GSTCD: variants seen among roughly 807,000 people sequenced by gnomAD.
GSTCD encodes the protein glutathione S-transferase C-terminal domain-containing protein.
A neutral mutation model predicts 68.3 loss-of-function variants in GSTCD; 44 were observed. The observed-to-expected ratio is 0.64, with a 90% confidence interval of 0.51 to 0.83. The LOEUF (loss-of-function observed/expected upper bound fraction) is 0.83, where lower values mean the gene tolerates loss of function less well. Among genes scored for constraint, GSTCD ranks in the 40% least tolerant of loss-of-function variants. The pLI is 0.00. For synonymous variants in GSTCD, 273 were observed against 255.2 expected (o/e 1.07, Z -0.67); for missense variants, 739 against 735.9 (o/e 1.00, Z -0.05).
chr4:105,790,937 C>T (rs769444051), intron 5 of GSTCD, among the ~76,000 whole-genome samples: 2 of 151,866 alleles, frequency 1.3e-5, no homozygotes, highest in Non-Finnish European at 2.9e-5. Flanking sequence ...GCATGGACAG[C>T]TAATATATAT....
chr4:105,840,969 A>G (rs1334611549), intron 10 of GSTCD, among the ~76,000 whole-genome samples: 2 of 152,120 alleles, frequency 1.3e-5, no homozygotes, highest in Non-Finnish European at 2.9e-5. Context: ...CCAGAAAACT[A>G]CAGAAGCCAC....
In GSTCD at chr4:105,727,092, T is replaced by TTG. The variant is rs767641689; in HGVS notation, c.1146+263_1146+264insGT. Among the ~76,000 whole-genome samples, 37 of 151,648 alleles carry TTG rather than the reference T, an allele frequency of 2.4e-4. 1 individual carries two copies. The East Asian group carries it at 4.8e-3, about 20-fold the overall frequency. ...TAAAAAGCCCTTTTCTCAAAACTTT[T>TTG]TTTTTTTTTTTTGTATATTCAGGAT... On this transcript the variant is annotated intron_variant, in intron 4 of 11. Transcript: ENST00000515279.
intron 5 of GSTCD, among the ~76,000 whole-genome samples, chr4:105,807,816 C>G (rs1722580820): frequency 6.6e-6 from 1 of 152,040 alleles, no homozygotes; most frequent in South Asian, 2.1e-4. Context: ...ACCGGTTTCC[C>G]TTTGTAATAA....
chr4:105,729,008 T>C (rs1408570934), intron 4 of GSTCD, among the ~76,000 whole-genome samples: 1 of 152,158 alleles, frequency 6.6e-6, no homozygotes, highest in Admixed American at 6.5e-5. Context: ...TTTTCATATA[T>C]GTAAAGGGAG....
At chr4:105,742,952 C>CTT (rs1206679533) in intron 5 of GSTCD, among the ~76,000 whole-genome samples, 4 of 139,700 alleles carry the variant, frequency 2.9e-5, no homozygotes, top group East Asian at 2.1e-4. Flanking sequence ...ATTTCTCTCT[C>CTT]TTTTTTTTTT....
intron 5 of GSTCD, among the ~76,000 whole-genome samples, chr4:105,772,347 CT>C (rs1734884351): frequency 6.6e-6 from 1 of 152,124 alleles, no homozygotes; most frequent in Admixed American, 6.5e-5. Flanking sequence ...TTGAATAACC[CT>C]TTATTTCTTT....
At chr4:105,710,524 C>T (rs971687083) in intron 1 of GSTCD, among the ~76,000 whole-genome samples, 1 of 151,768 alleles carries the variant, frequency 6.6e-6, no homozygotes, top group Non-Finnish European at 1.5e-5. Flanking sequence ...CCACCGCGCC[C>T]GGCCTGTTTT....
intron 1 of GSTCD, among the ~76,000 whole-genome samples, chr4:105,711,722 G>A (rs1396976641): frequency 6.6e-6 from 1 of 152,196 alleles, no homozygotes; most frequent in Non-Finnish European, 1.5e-5. Context: ...TAGCTACTAA[G>A]AATCAGAACC....
At chr4:105,771,255 G>A (rs565140028) in intron 5 of GSTCD, among the ~76,000 whole-genome samples, 5 of 151,898 alleles carry the variant, frequency 3.3e-5, no homozygotes, top group Non-Finnish European at 7.4e-5. Context: ...GTTTCTTGTA[G>A]ATTCTGGATA....
intron 5 of GSTCD, among the ~76,000 whole-genome samples, chr4:105,781,980 T>A (rs766484713): frequency 1.6e-4 from 24 of 152,122 alleles, no homozygotes; most frequent in Non-Finnish European, 3.2e-4. Context: ...AGGAATAGTT[T>A]TTCTGTGAGA....
rs765893846 is a variant in GSTCD, at chr4:105,729,448, A to G, written c.1189A>G (p.Thr397Ala). Residue 397 changes from threonine (T) to alanine (A), a missense_variant, in exon 5 of 12, where the codon ACT becomes GCT. Thr to Ala is a moderately conservative substitution (Grantham distance 58, BLOSUM62 0). Transcript: ENST00000515279. ...EVMFSPHPCP[T>A]WTLDWNVLPA... Reference sequence around the variant, plus strand: ...GATGTTTTCTCCCCACCCTTGCCCTACTTGGACTCTTGATTGGAATGTTCT... The same window carrying G: ...GATGTTTTCTCCCCACCCTTGCCCTGCTTGGACTCTTGATTGGAATGTTCT... 6.2e-7 allele frequency: 1 copy of G among 1,612,100 alleles called. No individual in the cohort carries two copies. Among genetic ancestry groups the G allele is most frequent in the Admixed American group, 1.7e-5 (1 of 59,970 alleles).
intron 5 of GSTCD, among the ~76,000 whole-genome samples, chr4:105,795,211 CTTG>C (rs1278302757): frequency 1.3e-5 from 2 of 151,940 alleles, no homozygotes; most frequent in South Asian, 2.1e-4. Context: ...GGATCAAATA[CTTG>C]TTGTTTATTT....
At chr4:105,801,323 A>G (rs1015885567) in intron 5 of GSTCD, among the ~76,000 whole-genome samples, 3 of 152,172 alleles carry the variant, frequency 2.0e-5, no homozygotes, top group African/African-American at 7.2e-5. Context: ...TGAGTTACAA[A>G]TAAATTCTAG....
chr4:105,830,890 A>C (rs970525386), intron 8 of GSTCD, among the ~76,000 whole-genome samples: 4 of 152,144 alleles, frequency 2.6e-5, no homozygotes, highest in Non-Finnish European at 5.9e-5. Flanking sequence ...TAAATGTGCA[A>C]AAAAAAGGCC....
chr4:105,765,415 T>C (rs984754486), intron 5 of GSTCD, among the ~76,000 whole-genome samples: 2 of 152,214 alleles, frequency 1.3e-5, no homozygotes, highest in Non-Finnish European at 2.9e-5. Context: ...ACTCAATGAC[T>C]GGAAGAAAAC....
intron 5 of GSTCD, among the ~76,000 whole-genome samples, chr4:105,786,203 A>T (rs1460046570): frequency 1.3e-5 from 2 of 152,200 alleles, no homozygotes; most frequent in Non-Finnish European, 2.9e-5. Flanking sequence ...TAAATTGGAC[A>T]TGATCAACAT....
At chr4:105,779,140 A>C (rs928022590) in intron 5 of GSTCD, among the ~76,000 whole-genome samples, 6 of 152,182 alleles carry the variant, frequency 3.9e-5, no homozygotes, top group Admixed American at 1.3e-4. Context: ...ACAACAGAAA[A>C]ATCCCATATT....
chr4:105,737,430 G>A (rs1448495749), intron 5 of GSTCD, among the ~76,000 whole-genome samples: 3 of 152,108 alleles, frequency 2.0e-5, no homozygotes, highest in Non-Finnish European at 4.4e-5. Flanking sequence ...CTTTCTGCTG[G>A]TTGTGTCTTC....
intron 5 of GSTCD, among the ~76,000 whole-genome samples, chr4:105,763,025 A>G (rs1439491019): frequency 6.6e-6 from 1 of 152,210 alleles, no homozygotes; most frequent in African/African-American, 2.4e-5. Flanking sequence ...CTAATAAACA[A>G]GACACACATT....
Sources: gnomAD v4.1 joint callset for allele counts (sites outside exome capture counted in the v4.1 genomes callset) on GRCh38, gnomAD v4.1.1 for gene constraint, MANE v1.5 for transcripts, NCBI Gene and HGNC (gene_info 2026-07-23, HGNC 2026-07-21) for gene names.